The following SLC51A variants were observed in gnomAD, a reference collection of about 807,000 sequenced individuals.
SLC51A encodes solute carrier family 51 member A, also known as organic solute transporter subunit alpha.
A neutral mutation model predicts 34.8 loss-of-function variants in SLC51A; 22 were observed. The ratio of observed to expected loss-of-function variants is 0.63; its 90% CI spans 0.45 to 0.90. The LOEUF (loss-of-function observed/expected upper bound fraction) is 0.90, where lower values mean the gene tolerates loss of function less well. Among genes scored for constraint, SLC51A ranks in the 40% least tolerant of loss-of-function variants. The probability of loss-of-function intolerance (pLI) is 0.00; values close to 1 mark genes in which losing one functional copy is unlikely to be tolerated. For missense variants in SLC51A, 371 were observed against 414.8 expected, an observed-to-expected ratio of 0.89 and a Z score of 0.92; for synonymous variants, 181 against 176.3, an observed-to-expected ratio of 1.03 and a Z score of -0.21.
chr3:196,230,172 CCTCACGTCT>C, intron 7 of SLC51A, 111 bp downstream of exon 7: 6 of 1,024,940 alleles, frequency 5.9e-6, no homozygotes, highest in Non-Finnish European at 6.7e-6. Flanking sequence ...TTTTCATAAG[CCTCACGTCT>C]CTCATGAGAT....
intron 2 of SLC51A, among the ~76,000 whole-genome samples, chr3:196,224,705 GGA>G (rs1723851746): frequency 2.1e-5 from 2 of 96,898 alleles, no homozygotes; most frequent in East Asian, 1.1e-3. Flanking sequence ...GGCGGGGGGG[GGA>G]GGAGATGGGA....
At chr3:196,230,201 G>A in intron 7 of SLC51A, 140 bp downstream of exon 7, 1 of 835,132 alleles carries the variant, frequency 1.2e-6, no homozygotes, top group Non-Finnish European at 1.7e-6. Context: ...TTTGGAAAAT[G>A]ATTCCTGTGC....
At chr3:196,218,057 G>A in intron 2 of SLC51A, 121 bp downstream of exon 2, 1 of 857,854 alleles carries the variant, frequency 1.2e-6, no homozygotes, top group South Asian at 1.5e-5. Flanking sequence ...AACTGGCCCG[G>A]TGTCTGTCAT....
At chr3:196,232,994 C>T (rs1438010344) in intron 8 of SLC51A, 69 bp from the exon 9 acceptor site, 11 of 1,512,332 alleles carry the variant, frequency 7.3e-6, no homozygotes, top group Admixed American at 3.6e-5. Context: ...CTCCCGTGCC[C>T]GGGCTGCTAG....
intron 2 of SLC51A, among the ~76,000 whole-genome samples, chr3:196,219,436 C>T (rs1234168057): frequency 2.0e-5 from 3 of 152,198 alleles, no homozygotes; most frequent in Admixed American, 1.3e-4. Context: ...CTCTGTAGCA[C>T]ATTTAACACG....
At position 196,216,774 on chromosome 3, in the gene SLC51A, G is replaced by A; in HGVS notation, c.38+24G>A. On this transcript the variant is annotated intron_variant, in intron 1 of 8. Transcript: ENST00000296327. The surrounding 1 kb of genome is among the most constrained non-coding windows in gnomAD (Gnocchi z 4.5). ...AGGTAAGTGAGGGCGGCGGGCCCTG[G>A]GCCAGTCGCTGGGCAGCGGTGGCCC... is the stretch of plus-strand genomic sequence containing the variant. The A allele has an allele frequency of 6.4e-7, 1 of 1,563,478 alleles. No individual in the cohort carries two copies. The highest frequency in any genetic ancestry group is 1.2e-5 in the South Asian group (1 of 85,052).
chr3:196,217,751 C>G (rs974203938), intron 1 of SLC51A, 91 bp from the exon 2 acceptor site: 9 of 984,432 alleles, frequency 9.1e-6, no homozygotes, highest in Non-Finnish European at 1.4e-5. Context: ...TGGACAAAGT[C>G]CTGCACTCAG....
rs917274762 is a variant in SLC51A at position 196,227,796 on chromosome 3, C to T, written c.362+59C>T. On this transcript the variant is annotated intron_variant, in intron 4 of 8. Coordinates refer to ENST00000296327, the MANE Select transcript of SLC51A (RefSeq NM_152672.6). The stretch of plus-strand genomic sequence containing the variant: ...CCCTCTGCTCCCGCTCACCAGGACT[C>T]GAGTCCGTGTCCTTGATCCCAGCTG... 2.2e-5 allele frequency: 32 copies of T among 1,484,676 alleles called. No individual in the cohort carries two copies. In the East Asian group the frequency reaches 5.7e-4, roughly 26 times the overall value. 92.0% of individuals were successfully genotyped at this position (1,484,676 alleles called of 1,614,324 possible).
At position 196,228,208 on chromosome 3, in the gene SLC51A, G is replaced by A. The variant is rs577056457; in HGVS notation, c.456G>A (p.Pro152=). 3.2e-5 allele frequency: 52 copies of A among 1,614,000 alleles called. No individual in the cohort carries two copies. The highest frequency in any genetic ancestry group is 5.5e-5 in the South Asian group (5 of 91,086). ...EAVLRTLRDT[P]MMVHTGPCCC... ...TGCTGAGGACGCTGAGGGACACCCC[G>A]ATGATGGTCCACACAGGCCCCTGCT... is the stretch of plus-strand genomic sequence containing the variant. The change falls in exon 5 of 9, where the codon CCG becomes CCA. Residue 152 remains proline, a synonymous_variant. Coordinates refer to ENST00000296327, the MANE Select transcript of SLC51A (RefSeq NM_152672.6). This position sits in a 1 kb window ranked among gnomAD's most constrained non-coding sequence, Gnocchi z 4.9.
Position 196,233,153 on chromosome 3 carries a change from A to C in SLC51A, c.977A>C (p.Tyr326Ser). ...CGAAGGAAAGACCACAAGGTTGGGTATGAAACTTTCTCTTCTCCAGACCTG... is the reference window on the plus strand; with the variant it reads ...CGAAGGAAAGACCACAAGGTTGGGTCTGAAACTTTCTCTTCTCCAGACCTG... ...YYRRKDHKVG[Y>S]ETFSSPDLDL... The change falls in exon 9 of 9, where the codon TAT (tyrosine) becomes TCT (serine). Residue 326 changes from tyrosine (Y) to serine (S), a missense_variant. Physicochemically the swap from Tyr to Ser is moderately radical, Grantham distance 144. Coordinates refer to ENST00000296327, the MANE Select transcript of SLC51A (RefSeq NM_152672.6). 6.2e-7 allele frequency: 1 copy of C among 1,614,260 alleles called. No homozygotes were observed. Among genetic ancestry groups the C allele is most frequent in the Non-Finnish European group, 8.5e-7 (1 of 1,180,044 alleles).
chr3:196,226,773 T>TAA lies in SLC51A; in HGVS notation c.134-177_134-176dup, dbSNP rs780868037. 8.7e-4 allele frequency among the ~76,000 whole-genome samples: 94 copies of TAA among 107,562 alleles called. 4 individuals are homozygous for TAA. Among genetic ancestry groups the TAA allele is most frequent in the East Asian group, 2.5e-3 (9 of 3,532 alleles). The allele number at this position is 107,562 out of a possible 152,430, so 70.6% of individuals were successfully genotyped here. ...TGGGCAACAGAGTGAGGCTCCGTCT[T>TAA]AAAAAAAAAAAAAAAAGAAAAAGAA... On this transcript the variant is annotated intron_variant, in intron 2 of 8. Coordinates refer to ENST00000296327, the MANE Select transcript of SLC51A (RefSeq NM_152672.6).
chr3:196,233,245 C>G lies in SLC51A; in HGVS notation c.*46C>G, dbSNP rs1724067597. The G allele has an allele frequency of 6.3e-7, 1 of 1,599,590 alleles. No homozygotes were observed. The highest frequency in any genetic ancestry group is 8.5e-7 in the Non-Finnish European group (1 of 1,172,372). ...AAAGGATGCTGTACTCATTAGAATA[C>G]AAGATTCCTTTACTGTCCCTCAACC... On this transcript the variant is annotated 3_prime_UTR_variant, in exon 9 of 9. Transcript: ENST00000296327.
rs143572996 is a variant in SLC51A, at chr3:196,230,633, T to C, written c.780+572T>C. 1.7e-3 allele frequency among the ~76,000 whole-genome samples: 263 copies of C among 152,110 alleles called. 2 individuals carry two copies. Among genetic ancestry groups the C allele is most frequent in the African/African-American group, 5.9e-3 (243 of 41,488 alleles). ...CCAAGTAGCTGGGATTACAGGCATG[T>C]ACCACCACGCCCGGCTAATTTTGCA... On this transcript the variant is annotated intron_variant, in intron 7 of 8. Coordinates refer to ENST00000296327, the MANE Select transcript of SLC51A (RefSeq NM_152672.6).
intron 1 of SLC51A, 128 bp from the exon 2 acceptor site, chr3:196,217,714 G>A (rs1021128303): frequency 2.4e-5 from 15 of 636,672 alleles, no homozygotes; most frequent in Non-Finnish European, 3.9e-5. Flanking sequence ...AAGAAAGAAA[G>A]AGAGAGAAAG....
At chr3:196,223,747 A>AAAAG (rs10578706) in intron 2 of SLC51A, 1 of 291,574 alleles carries the variant, frequency 3.4e-6, no homozygotes, top group Non-Finnish European at 6.8e-6. Flanking sequence ...TAAAAAAAAA[A>AAAAG]AAAGAAAGAA....
At chr3:196,221,664 A>T (rs1275840926) in intron 2 of SLC51A, among the ~76,000 whole-genome samples, 1 of 151,870 alleles carries the variant, frequency 6.6e-6, no homozygotes, top group Non-Finnish European at 1.5e-5. Flanking sequence ...TAGAGCTATT[A>T]GTAAGTGGCA....
intron 2 of SLC51A, chr3:196,226,623 A>C (rs1180701306): frequency 6.2e-6 from 1 of 162,590 alleles, no homozygotes; most frequent in Admixed American, 6.3e-5. Context: ...AAAATATAAA[A>C]ATTAGCCGGG....
rs1359300465 is a variant in SLC51A, at chr3:196,228,253, T to C, written c.501T>C (p.Cys167=). 2 of 1,612,646 alleles carry C rather than the reference T, an allele frequency of 1.2e-6. No individual in the cohort carries two copies. The highest frequency in any genetic ancestry group is 1.1e-5 in the South Asian group (1 of 91,064). The change falls in exon 5 of 9, where the codon TGT becomes TGC. Residue 167 remains cysteine, a synonymous_variant. Transcript: ENST00000296327. This position sits in a 1 kb window ranked among gnomAD's most constrained non-coding sequence, Gnocchi z 4.9. ...CCTGCTGCTGCTGCTGCCCCTGCTG[T>C]CCACGGCTGCTGCTCACCAGGTGAG... ...TGPCCCCCPC[C]PRLLLTRKKL... is the part of the protein sequence containing the mutation.
At chr3:196,223,671 G>T (rs187187779) in intron 2 of SLC51A, among the ~76,000 whole-genome samples, 21 of 150,274 alleles carry the variant, frequency 1.4e-4, no homozygotes, top group African/African-American at 5.1e-4. Flanking sequence ...TTCCTATCTG[G>T]ACTTTGCCTA....
Sources: gnomAD v4.1 joint callset for allele counts (sites outside exome capture counted in the v4.1 genomes callset) on GRCh38, gnomAD v4.1.1 for gene constraint, Gnocchi (gnomAD v3.1) non-coding constraint, MANE v1.5 for transcripts, NCBI Gene and HGNC (gene_info 2026-07-23, HGNC 2026-07-21) for gene names.